The following PCDHGA2 variants were observed in gnomAD, a reference collection of about 807,000 sequenced individuals.
The protein encoded by PCDHGA2 is protocadherin gamma-A2.
In PCDHGA2, 40 loss-of-function variants were observed where a neutral mutation model predicts 59.2. The ratio of observed to expected loss-of-function variants is 0.68; its 90% CI spans 0.52 to 0.88. PCDHGA2 has a LOEUF of 0.88. PCDHGA2 is among the 40% of genes least tolerant of loss of function. The pLI is 0.00. For synonymous variants in PCDHGA2, 560 were observed against 526.0 expected (o/e 1.06, Z -0.89); for missense variants, 1,226 against 1,204.0 (o/e 1.02, Z -0.27).
intron 1 of PCDHGA2, among the ~76,000 whole-genome samples, chr5:141,460,724 A>G (rs1294708205): frequency 6.6e-6 from 1 of 152,114 alleles, no homozygotes; most frequent in Non-Finnish European, 1.5e-5. Flanking sequence ...TGTTATAAGC[A>G]TATATACACA....
intron 1 of PCDHGA2, chr5:141,427,201 A>G (rs1272966114): frequency 4.4e-6 from 2 of 456,618 alleles, no homozygotes; most frequent in African/African-American, 4.0e-5. Flanking sequence ...GACTTAATAG[A>G]CTTCGAATTT....
chr5:141,360,548 T>A (rs1354805978), intron 1 of PCDHGA2: 3 of 1,613,974 alleles, frequency 1.9e-6, no homozygotes, highest in Non-Finnish European at 1.7e-6. Flanking sequence ...CAGACTAAGA[T>A]TAATTTAAAA....
In PCDHGA2 at chr5:141,486,217, T is replaced by C; in HGVS notation, c.2425-8590T>C. ...TGCTGGACGTAAATGACAATGCCCC[T>C]TACATCACAGTGACCTCAGAGCTTG... On this transcript the variant is annotated intron_variant, in intron 1 of 3. Coordinates refer to ENST00000394576, the MANE Select transcript of PCDHGA2 (RefSeq NM_018915.4). The surrounding 1 kb of genome is among the most constrained non-coding windows in gnomAD (Gnocchi z 5.0). The C allele has an allele frequency of 6.2e-7, 1 of 1,614,120 alleles. No homozygotes were observed.
chr5:141,423,758 G>GGGT, intron 1 of PCDHGA2: 1 of 366,842 alleles, frequency 2.7e-6, no homozygotes, highest in Non-Finnish European at 3.8e-6. Context: ...TTTGGGGGGG[G>GGGT]GGTGGGGCGG....
chr5:141,394,521 G>A (rs761808641), intron 1 of PCDHGA2: 5 of 1,614,212 alleles, frequency 3.1e-6, no homozygotes, highest in Non-Finnish European at 4.2e-6. Flanking sequence ...CCTCCCCACA[G>A]ACGGTTCCAC....
At chr5:141,464,426 G>GAT (rs1287556960) in intron 1 of PCDHGA2, among the ~76,000 whole-genome samples, 1 of 151,096 alleles carries the variant, frequency 6.6e-6, no homozygotes, top group African/African-American at 2.4e-5. Flanking sequence ...TATATATATA[G>GAT]ATATATATGT....
intron 1 of PCDHGA2, among the ~76,000 whole-genome samples, chr5:141,454,657 C>T (rs554561906): frequency 5.1e-4 from 77 of 152,192 alleles, no homozygotes; most frequent in African/African-American, 1.7e-3. Flanking sequence ...CTGCCCACCT[C>T]GGCCTCCCAA....
chr5:141,374,184 C>G (rs369352283), intron 1 of PCDHGA2: 8 of 1,613,676 alleles, frequency 5.0e-6, no homozygotes, highest in Middle Eastern at 3.3e-4. Context: ...ATCCGCTACT[C>G]TATTCCCGAG....
chr5:141,346,323 C>A (rs370925586), intron 1 of PCDHGA2: 1,499 of 1,614,178 alleles, frequency 9.3e-4, no homozygotes, highest in Non-Finnish European at 1.2e-3. Context: ...TGCGGACTCG[C>A]GGAAGAGCCA....
chr5:141,393,472 C>T lies in PCDHGA2; in HGVS notation c.2424+52077C>T, dbSNP rs575533120. On this transcript the variant is annotated intron_variant, in intron 1 of 3. Coordinates refer to ENST00000394576, the MANE Select transcript of PCDHGA2 (RefSeq NM_018915.4). ...CTCACGGCCTCGGATGGCGGCAAGC[C>T]GCCTCGCTCTAGCACAGTGCGCATC... 3.5e-5 allele frequency: 57 copies of T among 1,614,022 alleles called. 2 individuals carry two copies. The South Asian group carries it at 4.2e-4, about 12-fold the overall frequency.
intron 1 of PCDHGA2, chr5:141,410,258 G>T: frequency 6.2e-7 from 1 of 1,614,022 alleles, no homozygotes; most frequent in Non-Finnish European, 8.5e-7. Flanking sequence ...TGACCCCCAG[G>T]CTGAACTGCA....
intron 1 of PCDHGA2, chr5:141,351,524 GA>G: frequency 6.2e-7 from 1 of 1,613,998 alleles, no homozygotes. Context: ...CATAGCCACC[GA>G]CAAGGGCAAA....
At chr5:141,483,816 A>G (rs2099587505) in intron 1 of PCDHGA2, among the ~76,000 whole-genome samples, 1 of 152,172 alleles carries the variant, frequency 6.6e-6, no homozygotes, top group Admixed American at 6.5e-5. Context: ...TTTGGCAGCC[A>G]GTGTAACCTA....
intron 1 of PCDHGA2, chr5:141,419,557 G>T: frequency 2.5e-6 from 4 of 1,611,872 alleles, no homozygotes; most frequent in Middle Eastern, 1.7e-4. Context: ...TGTACCCTGC[G>T]CTGGGTCCCG....
rs201160783 is a variant in PCDHGA2, at chr5:141,418,846, A to G, written c.2425-75961A>G. The G allele has an allele frequency of 7.4e-5, 120 of 1,613,976 alleles. No homozygotes were observed. In the East Asian group the frequency reaches 2.6e-3, roughly 34 times the overall value. On this transcript the variant is annotated intron_variant, in intron 1 of 3. Transcript: ENST00000394576. Reference sequence around the variant, plus strand: ...CAAAAGACCGAGGATCTCTCTCAACACGGTGTAAAGTAATTGTAGAAGTTG... The same window carrying G: ...CAAAAGACCGAGGATCTCTCTCAACGCGGTGTAAAGTAATTGTAGAAGTTG...
At chr5:141,401,626 C>G (rs1476531463) in intron 1 of PCDHGA2, among the ~76,000 whole-genome samples, 1 of 152,174 alleles carries the variant, frequency 6.6e-6, no homozygotes, top group Non-Finnish European at 1.5e-5. Flanking sequence ...TTTGTCTTAT[C>G]GTTTGGAGCT....
chr5:141,352,599 A>C, intron 1 of PCDHGA2: 1 of 1,613,758 alleles, frequency 6.2e-7, no homozygotes, highest in Non-Finnish European at 8.5e-7. Flanking sequence ...CTGTGTGATG[A>C]TCCTTCTATG....
intron 1 of PCDHGA2, among the ~76,000 whole-genome samples, chr5:141,483,575 A>G (rs1165739266): frequency 6.6e-6 from 1 of 152,194 alleles, no homozygotes; most frequent in Non-Finnish European, 1.5e-5. Flanking sequence ...GAATTCTGGC[A>G]TAAACACCTA....
At chr5:141,376,432 G>C (rs1402207776) in intron 1 of PCDHGA2, 6 of 1,614,084 alleles carry the variant, frequency 3.7e-6, no homozygotes, top group African/African-American at 1.3e-5. Flanking sequence ...TCAACCAGGA[G>C]AGCTATGAGA....
Sources: gnomAD v4.1 joint callset for allele counts (sites outside exome capture counted in the v4.1 genomes callset) on GRCh38, gnomAD v4.1.1 for gene constraint, Gnocchi (gnomAD v3.1) non-coding constraint, MANE v1.5 for transcripts, NCBI Gene and HGNC (gene_info 2026-07-23, HGNC 2026-07-21) for gene names.